AXDND1: variants seen among roughly 807,000 people sequenced by gnomAD.
The protein encoded by AXDND1 is axonemal dynein light chain domain containing 1, also known as axonemal dynein light chain domain-containing protein 1.
In AXDND1, 110 loss-of-function variants were observed where a neutral mutation model predicts 137.5. The observed-to-expected ratio is 0.80, with a 90% CI of 0.69 to 0.94. The LOEUF is 0.94. AXDND1 is among the 40% of genes least tolerant of loss of function. AXDND1 has a pLI of 0.00. For missense variants in AXDND1, 1,191 were observed against 1,169.8 expected, an observed-to-expected ratio of 1.02 and a Z score of -0.26; for synonymous variants, 414 against 399.7, an observed-to-expected ratio of 1.04 and a Z score of -0.43.
chr1:179,542,971 A>G (rs1672309441), intron 25 of AXDND1, among the ~76,000 whole-genome samples: 1 of 152,212 alleles, frequency 6.6e-6, no homozygotes, highest in African/African-American at 2.4e-5. Context: ...AGGGACCTAA[A>G]CAGAGTCTCC....
intron 25 of AXDND1, chr1:179,546,213 G>A (rs1466848089): frequency 6.6e-6 from 1 of 152,096 alleles, no homozygotes; most frequent in Non-Finnish European, 1.5e-5. Flanking sequence ...TAAAGTGAAG[G>A]AAGGACGCCT....
chr1:179,496,836 C>T (rs1667494480), intron 20 of AXDND1, among the ~76,000 whole-genome samples: 1 of 152,014 alleles, frequency 6.6e-6, no homozygotes, highest in Non-Finnish European at 1.5e-5. Flanking sequence ...CCCCCGTAGG[C>T]ATTTAGTAGT....
Position 179,379,449 on chromosome 1 carries a change from G to C in AXDND1, c.548G>C (p.Ser183Thr). Residue 183 changes from serine to threonine, a missense_variant, in exon 6 of 26, where the codon AGT (serine) becomes ACT (threonine). Physicochemically the swap from Ser to Thr is moderately conservative, Grantham distance 58. Coordinates refer to ENST00000367618, the MANE Select transcript of AXDND1 (RefSeq NM_144696.6). ...CCTGAAGAATTTCATATTGTGTCAA[G>C]TACAGGAGTTTCAGGTTTGGAGTGT... ...LIPEEFHIVS[S>T]TGVSGLECYD... 1 of 1,613,610 alleles carries C rather than the reference G, an allele frequency of 6.2e-7. No homozygotes were observed. Among genetic ancestry groups the C allele is most frequent in the South Asian group, 1.1e-5 (1 of 91,062 alleles).
chr1:179,439,579 G>A (rs1267555690), intron 15 of AXDND1, among the ~76,000 whole-genome samples: 1 of 128,822 alleles, frequency 7.8e-6, no homozygotes, highest in Non-Finnish European at 1.8e-5. Flanking sequence ...TTTTGCCTCT[G>A]CACAGGGAAA....
chr1:179,541,664 A>T (rs1010169432), intron 25 of AXDND1, among the ~76,000 whole-genome samples: 3 of 137,926 alleles, frequency 2.2e-5, no homozygotes, highest in Admixed American at 7.0e-5. Context: ...TATATGCATG[A>T]TAATATGCAT....
intron 17 of AXDND1, among the ~76,000 whole-genome samples, chr1:179,477,398 G>A (rs1334050843): frequency 1.1e-4 from 16 of 152,058 alleles, no homozygotes; most frequent in Admixed American, 9.8e-4. Flanking sequence ...ACAGTTCCAC[G>A]TGGCTGGGGA....
At chr1:179,494,030 C>T (rs1332739949) in intron 20 of AXDND1, among the ~76,000 whole-genome samples, 2 of 152,088 alleles carry the variant, frequency 1.3e-5, no homozygotes. Context: ...TGGCTCACTG[C>T]AACCTCTGCT....
intron 16 of AXDND1, chr1:179,448,250 C>G (rs1190912162): frequency 2.5e-6 from 2 of 787,968 alleles, no homozygotes; most frequent in South Asian, 1.4e-5. Flanking sequence ...ATTCTGTATA[C>G]TTGAGAAGAA....
intron 8 of AXDND1, among the ~76,000 whole-genome samples, chr1:179,384,093 T>C (rs767176587): frequency 5.3e-5 from 8 of 152,134 alleles, no homozygotes; most frequent in Admixed American, 3.3e-4. Context: ...GAGACCTTTT[T>C]CTTTATCAGG....
chr1:179,540,738 G>C (rs34163309), intron 25 of AXDND1, among the ~76,000 whole-genome samples: 2,344 of 152,296 alleles, frequency 0.015, 19 homozygotes, highest in Non-Finnish European at 0.024. Flanking sequence ...GAGAACCACT[G>C]CTCTCTTCAG....
chr1:179,463,740 T>A (rs140002506), intron 16 of AXDND1, among the ~76,000 whole-genome samples: 2 of 152,146 alleles, frequency 1.3e-5, no homozygotes, highest in African/African-American at 4.8e-5. Flanking sequence ...CCCATTATTA[T>A]TGTGTGGGAG....
intron 12 of AXDND1, among the ~76,000 whole-genome samples, chr1:179,418,388 T>A (rs1483934957): frequency 2.6e-5 from 4 of 152,244 alleles, no homozygotes; most frequent in African/African-American, 9.6e-5. Context: ...CATGTCTACT[T>A]CTTTCTACAC....
Position 179,509,285 on chromosome 1 carries a change from T to A in AXDND1, c.2389-11T>A. On this transcript the variant is annotated splice_polypyrimidine_tract_variant and intron_variant, in intron 20 of 25. Coordinates refer to ENST00000367618, the MANE Select transcript of AXDND1 (RefSeq NM_144696.6). ...TGGTTTTTCTGCTTGTAATCTTTTA[T>A]CTCTTCTCAGAAAGAATGTTATGAA... The A allele has an allele frequency of 3.2e-6, 5 of 1,570,742 alleles. No individual in the cohort carries two copies. In the African/African-American group the frequency reaches 6.8e-5, roughly 21 times the overall value.
chr1:179,528,865 T>C (rs1339177107), intron 23 of AXDND1, among the ~76,000 whole-genome samples: 1 of 152,156 alleles, frequency 6.6e-6, no homozygotes, highest in Non-Finnish European at 1.5e-5. Context: ...GAGCTGGGAC[T>C]GCAGACGCGA....
At chr1:179,458,496 C>G (rs769894380) in intron 16 of AXDND1, among the ~76,000 whole-genome samples, 1 of 151,866 alleles carries the variant, frequency 6.6e-6, no homozygotes, top group African/African-American at 2.4e-5. Context: ...TAGGTGCAAA[C>G]GTTCTAAATA....
chr1:179,521,558 AT>A (rs1670060433), intron 21 of AXDND1, among the ~76,000 whole-genome samples: 1 of 152,066 alleles, frequency 6.6e-6, no homozygotes, highest in Admixed American at 6.6e-5. Flanking sequence ...GCCTTTAGTG[AT>A]TTACCTTTAA....
At position 179,486,702 on chromosome 1, in the gene AXDND1, AC is replaced by A. The variant is rs1283999993; in HGVS notation, c.2091+3482del. Among the ~76,000 whole-genome samples the A allele has an allele frequency of 2.7e-5, 4 of 149,060 alleles. No individual in the cohort carries two copies. The East Asian group carries it at 7.7e-4, about 29-fold the overall frequency. ...AGCATTCTTAGAAAAGAAATTCCAA[AC>A]AAGAACTTCATATCTAGCCAAACTG... is the stretch of plus-strand genomic sequence containing the variant. On this transcript the variant is annotated intron_variant, in intron 18 of 25. Transcript: ENST00000367618.
At chr1:179,369,651 CAA>C (rs59697646) in intron 3 of AXDND1, among the ~76,000 whole-genome samples, 1 of 130,510 alleles carries the variant, frequency 7.7e-6, no homozygotes, top group Non-Finnish European at 1.7e-5. Flanking sequence ...GACTCTGTCT[CAA>C]AAAAAAAAAA....
intron 9 of AXDND1, among the ~76,000 whole-genome samples, chr1:179,392,057 C>T (rs372963675): frequency 3.3e-5 from 5 of 152,180 alleles, no homozygotes; most frequent in African/African-American, 1.2e-4. Context: ...TGAGAATGGA[C>T]TAATATAACC....
Sources: gnomAD v4.1 joint callset for allele counts (sites outside exome capture counted in the v4.1 genomes callset) on GRCh38, gnomAD v4.1.1 for gene constraint, MANE v1.5 for transcripts, NCBI Gene and HGNC (gene_info 2026-07-23, HGNC 2026-07-21) for gene names.